Variants in TMEM132D observed in about 807,000 individuals in gnomAD.
TMEM132D encodes mature OL transmembrane protein.
In TMEM132D, 21 loss-of-function variants were observed where a neutral mutation model predicts 62.3. The observed-to-expected ratio is 0.34, with a 90% CI of 0.24 to 0.49. The LOEUF (loss-of-function observed/expected upper bound fraction) is 0.49. Ranked by LOEUF, TMEM132D falls within the 20% of genes least tolerant of loss-of-function variation. TMEM132D has a pLI of 0.99. For synonymous variants in TMEM132D, 621 were observed against 575.6 expected, an observed-to-expected ratio of 1.08 and a Z score of -1.13; for missense variants, 1,346 against 1,402.8, an observed-to-expected ratio of 0.96 and a Z score of 0.65.
At chr12:129,327,446 A>T (rs1328370661) in intron 4 of TMEM132D, among the ~76,000 whole-genome samples, 1 of 152,240 alleles carries the variant, frequency 6.6e-6, no homozygotes, top group Non-Finnish European at 1.5e-5. Context: ...TTAGAAATTC[A>T]GTTACTCAGT....
At chr12:129,334,046 G>T (rs1330272603) in intron 4 of TMEM132D, among the ~76,000 whole-genome samples, 1 of 152,010 alleles carries the variant, frequency 6.6e-6, no homozygotes, top group Non-Finnish European at 1.5e-5. Context: ...GCTTGAACCT[G>T]GGGGGCAGAG....
intron 2 of TMEM132D, among the ~76,000 whole-genome samples, chr12:129,636,165 A>T (rs1879470693): frequency 6.6e-6 from 1 of 152,204 alleles, no homozygotes; most frequent in Admixed American, 6.5e-5. Context: ...AGATCTTTAA[A>T]AGGTGCCAGA....
intron 1 of TMEM132D, among the ~76,000 whole-genome samples, chr12:129,840,824 A>G (rs1056601306): frequency 2.0e-5 from 3 of 152,372 alleles, no homozygotes; most frequent in Middle Eastern, 3.4e-3. Context: ...GATTTGTAAC[A>G]ATTAAATAAG....
intron 5 of TMEM132D, among the ~76,000 whole-genome samples, chr12:129,172,919 G>A (rs115506241): frequency 0.01 from 1,541 of 152,244 alleles, 22 homozygotes; most frequent in African/African-American, 0.035. Context: ...AGGCAGGCCC[G>A]AGGAGAGGGA....
intron 2 of TMEM132D, among the ~76,000 whole-genome samples, chr12:129,569,915 G>A (rs972313516): frequency 1.2e-4 from 19 of 152,148 alleles, no homozygotes; most frequent in African/African-American, 2.4e-4. Flanking sequence ...TGAAATGGAC[G>A]TATCCTACTT....
intron 2 of TMEM132D, among the ~76,000 whole-genome samples, chr12:129,673,292 G>A (rs1455557512): frequency 1.3e-5 from 2 of 151,424 alleles, no homozygotes; most frequent in East Asian, 1.9e-4. Flanking sequence ...CATTCAGAAT[G>A]TTGCCTTTAA....
chr12:129,481,118 A>G (rs1189564395), intron 3 of TMEM132D, among the ~76,000 whole-genome samples: 1 of 152,182 alleles, frequency 6.6e-6, no homozygotes, highest in Non-Finnish European at 1.5e-5. Flanking sequence ...TCTCAAGTCC[A>G]GAATTCTAGA....
chr12:129,497,797 C>T (rs947067557), intron 3 of TMEM132D, among the ~76,000 whole-genome samples: 4 of 152,076 alleles, frequency 2.6e-5, no homozygotes, highest in South Asian at 2.1e-4. Flanking sequence ...GTAGCTGGGA[C>T]TACAGGTGCA....
At chr12:129,289,674 C>A (rs1387515565) in intron 4 of TMEM132D, among the ~76,000 whole-genome samples, 2 of 151,508 alleles carry the variant, frequency 1.3e-5, no homozygotes, top group East Asian at 1.9e-4. Context: ...AAAAAATTAA[C>A]CAAACTCAAA....
chr12:129,191,026 C>A (rs796719188), intron 5 of TMEM132D, among the ~76,000 whole-genome samples: 2 of 152,194 alleles, frequency 1.3e-5, no homozygotes, highest in African/African-American at 2.4e-5. Flanking sequence ...GCTCCAGACG[C>A]CCCCTCCGGG....
chr12:129,425,924 C>T (rs770873569), intron 3 of TMEM132D, among the ~76,000 whole-genome samples: 1 of 152,198 alleles, frequency 6.6e-6, no homozygotes. Flanking sequence ...TGTTTTATCA[C>T]GAAAGCTTTG....
At chr12:129,861,838 A>C (rs1164056581) in intron 1 of TMEM132D, among the ~76,000 whole-genome samples, 1 of 151,802 alleles carries the variant, frequency 6.6e-6, no homozygotes, top group African/African-American at 2.4e-5. Context: ...GGCAGATAAC[A>C]TCACTACTGT....
intron 5 of TMEM132D, among the ~76,000 whole-genome samples, chr12:129,143,738 G>T (rs1876809887): frequency 6.6e-6 from 1 of 152,190 alleles, no homozygotes; most frequent in African/African-American, 2.4e-5. Context: ...CAGAAAAAGA[G>T]AAAGGAATGC....
intron 2 of TMEM132D, among the ~76,000 whole-genome samples, chr12:129,642,794 G>T (rs59993241): frequency 0.055 from 8,409 of 152,132 alleles, 657 homozygotes; most frequent in African/African-American, 0.17. Context: ...CTCTTCGCTT[G>T]GTGATGGTCT....
chr12:129,403,614 T>C (rs540880503), intron 3 of TMEM132D, among the ~76,000 whole-genome samples: 9 of 152,112 alleles, frequency 5.9e-5, no homozygotes, highest in Non-Finnish European at 1.0e-4. Flanking sequence ...CTAATATTCA[T>C]GAAATTACCA....
At chr12:129,518,525 A>G (rs530028593) in intron 3 of TMEM132D, among the ~76,000 whole-genome samples, 18 of 133,906 alleles carry the variant, frequency 1.3e-4, no homozygotes, top group African/African-American at 4.6e-4. Flanking sequence ...ATATGTGTGT[A>G]TATACATATA....
chr12:129,319,077 C>T (rs146047789), intron 4 of TMEM132D, among the ~76,000 whole-genome samples: 36 of 152,268 alleles, frequency 2.4e-4, no homozygotes, highest in African/African-American at 5.5e-4. Flanking sequence ...GGTTCTTCCC[C>T]GCCTGTGAAG....
chr12:129,671,701 A>C (rs632642), intron 2 of TMEM132D, among the ~76,000 whole-genome samples: 1 of 152,122 alleles, frequency 6.6e-6, no homozygotes. Context: ...AGACACAGGC[A>C]GAGTGGGAGC....
At chr12:129,240,724 C>T (rs1037647051) in intron 4 of TMEM132D, among the ~76,000 whole-genome samples, 1 of 152,204 alleles carries the variant, frequency 6.6e-6, no homozygotes, top group Non-Finnish European at 1.5e-5. Context: ...TTCATACTTG[C>T]ACTTAATGTC....
Sources: allele counts gnomAD v4.1 joint callset (sites outside exome capture counted in the v4.1 genomes callset), GRCh38; gene constraint gnomAD v4.1.1; transcripts MANE v1.5; gene names NCBI Gene and HGNC (gene_info 2026-07-23, HGNC 2026-07-21).